ABCC1: variants seen among roughly 807,000 people sequenced by gnomAD.
ABCC1 encodes the protein ATP binding cassette subfamily C member 1 (ABCC1 blood group), also known as multidrug resistance-associated protein 1.
Under a neutral mutation model 172.9 loss-of-function variants are expected in ABCC1, and 83 were observed. The ratio of observed to expected loss-of-function variants is 0.48; its 90% CI spans 0.40 to 0.58. The LOEUF (loss-of-function observed/expected upper bound fraction) is 0.58, where lower values mean the gene tolerates loss of function less well. Among genes scored for constraint, ABCC1 ranks in the 20% least tolerant of loss-of-function variants. ABCC1 has a pLI of 0.00. For missense variants in ABCC1, 1,817 were observed against 2,002.7 expected (o/e 0.91, Z 1.77); for synonymous variants, 937 against 825.2 (o/e 1.14, Z -2.32).
At chr16:16,138,587 G>T (rs762840678) in intron 30 of ABCC1, 29 bp downstream of exon 30, 2 of 1,511,814 alleles carry the variant, frequency 1.3e-6, no homozygotes, top group Admixed American at 4.0e-5. Flanking sequence ...TGGCCTCTAG[G>T]CTTTGGGAGT....
intron 12 of ABCC1, among the ~76,000 whole-genome samples, chr16:16,062,782 T>A (rs1209271379): frequency 6.6e-6 from 1 of 152,134 alleles, no homozygotes; most frequent in Non-Finnish European, 1.5e-5. Flanking sequence ...GCGGTAGGTG[T>A]GATGGAACAC....
At chr16:15,979,128 T>G (rs1471201577) in intron 1 of ABCC1, among the ~76,000 whole-genome samples, 2 of 151,922 alleles carry the variant, frequency 1.3e-5, no homozygotes, top group Non-Finnish European at 2.9e-5. Context: ...CCATCTCTAC[T>G]AAAAATACAA....
intron 23 of ABCC1, 27 bp downstream of exon 23, chr16:16,115,103 G>T (rs779977032): frequency 5.0e-6 from 8 of 1,605,822 alleles, no homozygotes; most frequent in Non-Finnish European, 6.0e-6. Flanking sequence ...TAGTGTTCGG[G>T]ACAAGCCCTA....
intron 26 of ABCC1, 39 bp downstream of exon 26, chr16:16,125,950 T>C (rs2045415297): frequency 1.3e-6 from 2 of 1,516,926 alleles, no homozygotes; most frequent in African/African-American, 1.4e-5. Flanking sequence ...TGGTCTTTGG[T>C]GTAGCTTTAC....
chr16:16,116,208 T>C (rs1301550431), intron 23 of ABCC1, among the ~76,000 whole-genome samples: 1 of 151,890 alleles, frequency 6.6e-6, no homozygotes, highest in East Asian at 2.0e-4. Context: ...CCGGCCCCTT[T>C]CATTCTTAAG....
chr16:16,065,837 C>G (rs1252305750), intron 12 of ABCC1, among the ~76,000 whole-genome samples: 3 of 152,164 alleles, frequency 2.0e-5, no homozygotes, highest in Admixed American at 6.5e-5. Context: ...CTCGGCCTTG[C>G]AAAGCATTTG....
At chr16:16,124,377 C>CTGTG (rs10673887) in intron 24 of ABCC1, among the ~76,000 whole-genome samples, 1,188 of 44,582 alleles carry the variant, frequency 0.027, 135 homozygotes, top group African/African-American at 0.07. Context: ...CTACGCCCGG[C>CTGTG]TGTGTGTGTG....
In ABCC1 at chr16:16,086,870, G is replaced by T. The variant is rs761294419; in HGVS notation, c.2339G>T (p.Arg780Leu). ...CAGAAGCAGCGCGTGAGCCTGGCCC[G>T]GGCCGTGTACTCCAACGCTGACATT... is the stretch of plus-strand genomic sequence containing the variant. ...GGQKQRVSLA[R>L]AVYSNADIYL... is the part of the protein sequence containing the mutation. Residue 780 changes from arginine (R) to leucine (L), a missense_variant, in exon 18 of 31, where the codon CGG becomes CTG. Physicochemically the swap from Arg to Leu is moderately radical, Grantham distance 102 (BLOSUM62 -2). Coordinates refer to ENST00000399410, the MANE Select transcript of ABCC1 (RefSeq NM_004996.4). The T allele has an allele frequency of 6.2e-7, 1 of 1,614,016 alleles. No individual in the cohort carries two copies. The highest frequency in any genetic ancestry group is 1.3e-5 in the African/African-American group (1 of 74,938).
At chr16:16,029,923 C>A (rs1187866925) in intron 5 of ABCC1, among the ~76,000 whole-genome samples, 1 of 152,118 alleles carries the variant, frequency 6.6e-6, no homozygotes, top group Non-Finnish European at 1.5e-5. Context: ...TTCCAGTAAT[C>A]CATTGTGTTT....
intron 20 of ABCC1, chr16:16,106,480 A>C (rs2052114327): frequency 4.2e-5 from 14 of 334,430 alleles, no homozygotes; most frequent in East Asian, 1.5e-4. Flanking sequence ...GCAGGCCCCC[A>C]GAGATCATCA....
At chr16:16,108,594 G>GT (rs2052247570) in intron 21 of ABCC1, among the ~76,000 whole-genome samples, 1 of 138,958 alleles carries the variant, frequency 7.2e-6, no homozygotes. Flanking sequence ...TTTTTAATTT[G>GT]TTTTCTTTTT....
At chr16:15,996,847 G>C (rs569969631) in intron 1 of ABCC1, among the ~76,000 whole-genome samples, 1 of 152,110 alleles carries the variant, frequency 6.6e-6, no homozygotes. Context: ...ATCTTGTATG[G>C]GAAGACTTAG....
chr16:15,951,218 T>G (rs934880952), intron 1 of ABCC1, among the ~76,000 whole-genome samples: 2 of 152,136 alleles, frequency 1.3e-5, no homozygotes, highest in Non-Finnish European at 2.9e-5. Flanking sequence ...AATATTCTCT[T>G]GTTTATTTTC....
At chr16:16,014,142 G>A (rs2047900451) in intron 3 of ABCC1, among the ~76,000 whole-genome samples, 1 of 152,106 alleles carries the variant, frequency 6.6e-6, no homozygotes, top group Non-Finnish European at 1.5e-5. Context: ...TATTTATTAC[G>A]TGGTCCATTA....
intron 1 of ABCC1, among the ~76,000 whole-genome samples, chr16:15,977,518 G>C (rs2046522045): frequency 6.6e-6 from 1 of 151,814 alleles, no homozygotes; most frequent in African/African-American, 2.4e-5. Context: ...TTATAGGCAT[G>C]AGCCTCTGTG....
At chr16:15,986,470 T>C (rs548512427) in intron 1 of ABCC1, among the ~76,000 whole-genome samples, 2 of 152,296 alleles carry the variant, frequency 1.3e-5, no homozygotes, top group South Asian at 4.1e-4. Context: ...AGTGGCTGCA[T>C]TGGATTCTCA....
At chr16:15,967,620 G>C in intron 1 of ABCC1, among the ~76,000 whole-genome samples, 1 of 149,504 alleles carries the variant, frequency 6.7e-6, no homozygotes, top group Non-Finnish European at 1.5e-5. Context: ...TATTAGCTGG[G>C]CATGATGGGA....
intron 14 of ABCC1, among the ~76,000 whole-genome samples, chr16:16,072,256 C>T (rs1012959138): frequency 6.6e-6 from 1 of 151,530 alleles, no homozygotes; most frequent in Non-Finnish European, 1.5e-5. Flanking sequence ...ACAGCTGTCA[C>T]TGCAGCCTTG....
At chr16:16,027,884 T>TTAC (rs928228035) in intron 5 of ABCC1, among the ~76,000 whole-genome samples, 7 of 152,286 alleles carry the variant, frequency 4.6e-5, no homozygotes, top group South Asian at 2.1e-4. Context: ...TCTATTATTA[T>TTAC]TACTACTACT....
Sources: allele counts gnomAD v4.1 joint callset (sites outside exome capture counted in the v4.1 genomes callset), GRCh38; gene constraint gnomAD v4.1.1; transcripts MANE v1.5; gene names NCBI Gene and HGNC (gene_info 2026-07-23, HGNC 2026-07-21).